Variants in SCPEP1 observed in about 807,000 individuals in gnomAD.
SCPEP1 encodes serine carboxypeptidase 1.
A neutral mutation model predicts 63.8 loss-of-function variants in SCPEP1; 51 were observed. That is an observed-to-expected ratio of 0.80 (90% CI 0.64 to 1.01). The LOEUF (loss-of-function observed/expected upper bound fraction) is 1.01, where lower values mean the gene tolerates loss of function less well. Ranked by LOEUF, SCPEP1 falls within the 50% of genes least tolerant of loss-of-function variation. The probability of loss-of-function intolerance (pLI) is 0.00; values close to 1 mark genes in which losing one functional copy is unlikely to be tolerated. For missense variants in SCPEP1, 499 were observed against 554.9 expected, an observed-to-expected ratio of 0.90 and a Z score of 1.01; for synonymous variants, 204 against 207.8, an observed-to-expected ratio of 0.98 and a Z score of 0.16.
At chr17:56,998,209 G>T in intron 9 of SCPEP1, 176 bp from the exon 10 acceptor site, 1 of 506,718 alleles carries the variant, frequency 2.0e-6, no homozygotes, top group Non-Finnish European at 3.6e-6. Context: ...TACTCGGGAG[G>T]CTGAGGCAGG....
intron 2 of SCPEP1, among the ~76,000 whole-genome samples, chr17:56,982,539 G>A (rs1231668130): frequency 6.6e-6 from 1 of 152,152 alleles, no homozygotes; most frequent in Non-Finnish European, 1.5e-5. Flanking sequence ...GTTCACCTCC[G>A]GTGGCTGGAG....
At chr17:57,005,089 C>T (rs1409683903) in intron 12 of SCPEP1, among the ~76,000 whole-genome samples, 1 of 152,204 alleles carries the variant, frequency 6.6e-6, no homozygotes, top group Non-Finnish European at 1.5e-5. Flanking sequence ...CTGTAACCCC[C>T]TTGGGGATGC....
chr17:56,987,658 C>G (rs973991202), intron 3 of SCPEP1, 37 bp from the exon 4 acceptor site: 1 of 1,598,330 alleles, frequency 6.3e-7, no homozygotes. Flanking sequence ...GACCAAATGT[C>G]TGATTGCAAC....
chr17:56,996,898 T>A, intron 8 of SCPEP1, 64 bp from the exon 9 acceptor site: 1 of 1,068,236 alleles, frequency 9.4e-7, no homozygotes, highest in South Asian at 1.5e-5. Flanking sequence ...CATGTGTCCT[T>A]CTGTTTGGCA....
At position 57,006,295 on chromosome 17, in the gene SCPEP1, G is replaced by T. The variant is rs372324770; in HGVS notation, c.*60G>T. 1.3e-5 allele frequency: 17 copies of T among 1,340,558 alleles called. No individual in the cohort carries two copies. The highest frequency in any genetic ancestry group is 3.0e-5 in the African/African-American group (2 of 67,458). 83.0% of individuals were successfully genotyped at this position (1,340,558 alleles called of 1,614,324 possible). A position where few individuals can be genotyped will look rare whatever the true frequency, so the allele number is the denominator to read the frequency against. On this transcript the variant is annotated 3_prime_UTR_variant, in exon 13 of 13. Coordinates refer to ENST00000262288, the MANE Select transcript of SCPEP1 (RefSeq NM_021626.3). Reference sequence around the variant, plus strand: ...TGGGGCACAGAGCTGAGCTGAGGCCGCTGAAGCTGTAGGAAGCGCCATTCT... The same window carrying T: ...TGGGGCACAGAGCTGAGCTGAGGCCTCTGAAGCTGTAGGAAGCGCCATTCT...
chr17:56,998,351 C>A (rs748557454), intron 9 of SCPEP1, 34 bp from the exon 10 acceptor site: 8 of 1,460,562 alleles, frequency 5.5e-6, no homozygotes, highest in Non-Finnish European at 7.7e-6. Flanking sequence ...TTACTTCCAG[C>A]CCTTTGACTC....
chr17:56,982,110 G>A (rs544133341), intron 2 of SCPEP1, among the ~76,000 whole-genome samples: 2 of 152,300 alleles, frequency 1.3e-5, no homozygotes, highest in African/African-American at 4.8e-5. Flanking sequence ...CTCTTTTCTG[G>A]CATTTCTGAA....
In SCPEP1 at chr17:56,998,404, C is replaced by T. The variant is rs766164757; in HGVS notation, c.900C>T (p.His300=). ...TTTTAGTTTGTCTTTGTCAGCGCCA[C>T]GTGAGACACCTACAACGAGATGCCT... ...QSHLVCLCQR[H]VRHLQRDALS... Residue 300 remains histidine (H), a synonymous_variant, in exon 10 of 13, where the codon CAC becomes CAT. Coordinates refer to ENST00000262288, the MANE Select transcript of SCPEP1 (RefSeq NM_021626.3). The T allele has an allele frequency of 6.8e-6, 11 of 1,613,790 alleles. 1 individual carries two copies. In the East Asian group the frequency reaches 1.3e-4, roughly 20 times the overall value.
intron 6 of SCPEP1, 104 bp from the exon 7 acceptor site, chr17:56,994,877 T>G: frequency 9.6e-7 from 1 of 1,041,220 alleles, no homozygotes; most frequent in Non-Finnish European, 1.5e-6. Flanking sequence ...GCCACCGGGT[T>G]TCTTGCTTCT....
At position 56,985,385 on chromosome 17, in the gene SCPEP1, C is replaced by T. The variant is rs774621316; in HGVS notation, c.233C>T (p.Pro78Leu). Residue 78 changes from proline (P) to leucine (L), a missense_variant, in exon 3 of 13, where the codon CCA (proline) becomes CTA (leucine). By Grantham distance (98) the Pro-to-Leu change is moderately conservative. Transcript: ENST00000262288. Reference sequence around the variant, plus strand: ...TTCTTCTCTCTTCCATAGGGCGGTCCAGGCGGTTCTAGCACTGGATTTGGA... The same window carrying T: ...TTCTTCTCTCTTCCATAGGGCGGTCTAGGCGGTTCTAGCACTGGATTTGGA... ...LPLVMWLQGG[P>L]GGSSTGFGNF... The T allele has an allele frequency of 1.2e-6, 2 of 1,614,074 alleles. No individual in the cohort carries two copies. Among genetic ancestry groups the T allele is most frequent in the Non-Finnish European group, 1.7e-6 (2 of 1,179,954 alleles).
intron 5 of SCPEP1, among the ~76,000 whole-genome samples, chr17:56,989,238 T>C (rs998521499): frequency 1.3e-5 from 2 of 151,986 alleles, no homozygotes; most frequent in Admixed American, 6.6e-5. Flanking sequence ...AGTAGAAAAA[T>C]GTGGACAAGC....
intron 11 of SCPEP1, among the ~76,000 whole-genome samples, chr17:57,001,618 C>T (rs1410866652): frequency 6.6e-6 from 1 of 151,936 alleles, no homozygotes; most frequent in Non-Finnish European, 1.5e-5. Context: ...ACACCAAGGA[C>T]AATTTGGAAA....
intron 11 of SCPEP1, among the ~76,000 whole-genome samples, chr17:57,001,790 T>C (rs1567870266): frequency 6.6e-6 from 1 of 152,234 alleles, no homozygotes; most frequent in Non-Finnish European, 1.5e-5. Context: ...TCAGTCAGGC[T>C]TTGCAGCTGT....
chr17:56,981,232 T>G lies in SCPEP1; in HGVS notation c.225+2T>G. ...CTGCCCCTGGTCATGTGGCTTCAGG[T>G]AAAGTAGCTTCCCAGCCTGGCCTGA... On this transcript the variant is annotated splice_donor_variant, in intron 2 of 12. Transcript: ENST00000262288. LOFTEE classifies it high-confidence loss of function. 6.2e-7 allele frequency: 1 copy of G among 1,614,084 alleles called. No individual in the cohort carries two copies. The highest frequency in any genetic ancestry group is 8.5e-7 in the Non-Finnish European group (1 of 1,180,014).
intron 5 of SCPEP1, among the ~76,000 whole-genome samples, chr17:56,990,187 G>C (rs1307456886): frequency 1.3e-5 from 2 of 152,204 alleles, no homozygotes; most frequent in Non-Finnish European, 2.9e-5. Flanking sequence ...AGATAGATTT[G>C]TATGCTGTGA....
intron 12 of SCPEP1, among the ~76,000 whole-genome samples, chr17:57,005,870 C>T (rs1911875701): frequency 6.6e-6 from 1 of 152,164 alleles, no homozygotes; most frequent in Non-Finnish European, 1.5e-5. Context: ...GGTCTAGTAT[C>T]ATTAGCATGA....
chr17:56,992,479 A>G (rs1911429505), intron 6 of SCPEP1, among the ~76,000 whole-genome samples: 1 of 152,170 alleles, frequency 6.6e-6, no homozygotes, highest in Admixed American at 6.5e-5. Context: ...CAAAGTCTCC[A>G]TCAGGTCTTG....
At chr17:56,978,693 C>T (rs1910986164) in intron 1 of SCPEP1, among the ~76,000 whole-genome samples, 1 of 152,078 alleles carries the variant, frequency 6.6e-6, no homozygotes, top group African/African-American at 2.4e-5. Flanking sequence ...AAGATAACAT[C>T]TTCCCCCACA....
chr17:56,989,669 GGGCGCGGT>G (rs1860366885), intron 5 of SCPEP1, among the ~76,000 whole-genome samples: 2 of 152,182 alleles, frequency 1.3e-5, no homozygotes, highest in Admixed American at 1.3e-4. Flanking sequence ...GGATCCAGGC[GGGCGCGGT>G]GGCTCATGCC....
Sources: gnomAD v4.1 joint callset for allele counts (sites outside exome capture counted in the v4.1 genomes callset) on GRCh38, gnomAD v4.1.1 for gene constraint, MANE v1.5 for transcripts, NCBI Gene and HGNC (gene_info 2026-07-23, HGNC 2026-07-21) for gene names.